WWOX: variants seen among roughly 807,000 people sequenced by gnomAD.
WWOX encodes WW domain containing oxidoreductase, also known as WW domain-containing oxidoreductase.
A neutral mutation model predicts 46.2 loss-of-function variants in WWOX; 69 were observed. That is an observed-to-expected ratio of 1.49 (90% CI 1.23 to 1.82). WWOX has a LOEUF of 1.82. Among genes scored for constraint, WWOX ranks in the 40% most tolerant of loss-of-function variants. WWOX has a pLI of 0.00. For missense variants in WWOX, 919 were observed against 542.6 expected, an observed-to-expected ratio of 1.69 and a Z score of -6.89; for synonymous variants, 359 against 202.6, an observed-to-expected ratio of 1.77 and a Z score of -6.56.
At chr16:78,164,648 A>G (rs182659549) in intron 5 of WWOX, among the ~76,000 whole-genome samples, 43 of 152,330 alleles carry the variant, frequency 2.8e-4, no homozygotes, top group Admixed American at 1.6e-3. Context: ...CTTTAACCCT[A>G]TCTCTAATTT....
At chr16:78,432,412 A>G (rs958824082) in intron 7 of WWOX, 76 bp from the exon 8 acceptor site, 2 of 1,581,130 alleles carry the variant, frequency 1.3e-6, no homozygotes, top group Non-Finnish European at 1.7e-6. Flanking sequence ...AGCATTCCTT[A>G]GATTTCCAAT....
intron 8 of WWOX, among the ~76,000 whole-genome samples, chr16:79,014,629 A>T (rs74032497): frequency 6.6e-6 from 1 of 152,094 alleles, no homozygotes; most frequent in Non-Finnish European, 1.5e-5. Flanking sequence ...AGTGCCTAAG[A>T]CTTTGAATAG....
chr16:78,310,069 C>T (rs1275421219), intron 5 of WWOX, among the ~76,000 whole-genome samples: 2 of 151,882 alleles, frequency 1.3e-5, no homozygotes, highest in African/African-American at 2.4e-5. Flanking sequence ...CCCTCCTTCC[C>T]CCTCTCTTTT....
At chr16:78,317,201 G>A (rs555314656) in intron 5 of WWOX, among the ~76,000 whole-genome samples, 4 of 152,172 alleles carry the variant, frequency 2.6e-5, no homozygotes, top group Non-Finnish European at 4.4e-5. Context: ...AAGGTGAATA[G>A]GAGTTAGGCC....
Position 78,831,675 on chromosome 16 carries a change from A to T in WWOX, c.1057-379933A>T, listed in dbSNP as rs76929667. 4.3e-3 allele frequency among the ~76,000 whole-genome samples: 662 copies of T among 152,306 alleles called. 3 individuals carry two copies. The highest frequency in any genetic ancestry group is 0.015 in the African/African-American group (621 of 41,570). On this transcript the variant is annotated intron_variant, in intron 8 of 8. Coordinates refer to ENST00000566780, the MANE Select transcript of WWOX (RefSeq NM_016373.4). ...AAAGAGTGATCATAATACTATTTCC[A>T]TTGAGAAGAAGAAATAATTTATGTA...
chr16:78,865,006 A>C (rs2043972918), intron 8 of WWOX, among the ~76,000 whole-genome samples: 1 of 150,842 alleles, frequency 6.6e-6, no homozygotes, highest in Non-Finnish European at 1.5e-5. Context: ...CAAGTGATCC[A>C]CCCATCTTGG....
intron 8 of WWOX, among the ~76,000 whole-genome samples, chr16:78,612,626 C>A (rs1041255333): frequency 3.3e-5 from 5 of 152,046 alleles, no homozygotes; most frequent in African/African-American, 1.2e-4. Flanking sequence ...TGTGCACTAC[C>A]ACACCTGGCT....
chr16:78,361,156 T>G (rs1470370217), intron 5 of WWOX, among the ~76,000 whole-genome samples: 2 of 152,072 alleles, frequency 1.3e-5, no homozygotes, highest in African/African-American at 4.8e-5. Flanking sequence ...TGCTTACTTA[T>G]TTCCTTCTTT....
At chr16:78,779,203 G>A (rs781712722) in intron 8 of WWOX, among the ~76,000 whole-genome samples, 3 of 152,192 alleles carry the variant, frequency 2.0e-5, no homozygotes, top group Non-Finnish European at 4.4e-5. Flanking sequence ...GGAGTGCAGT[G>A]GCATGATCTT....
At chr16:78,230,581 C>G (rs953817110) in intron 5 of WWOX, among the ~76,000 whole-genome samples, 1 of 152,236 alleles carries the variant, frequency 6.6e-6, no homozygotes, top group South Asian at 2.1e-4. Context: ...GTTGATAAAA[C>G]TTTCCAAAAA....
intron 5 of WWOX, among the ~76,000 whole-genome samples, chr16:78,350,650 CTGAG>C (rs1475912231): frequency 8.2e-6 from 1 of 121,482 alleles, no homozygotes; most frequent in Non-Finnish European, 2.0e-5. Flanking sequence ...TTTTTTAGGG[CTGAG>C]TAATATTCCA....
chr16:78,824,091 T>C (rs1374277150), intron 8 of WWOX, among the ~76,000 whole-genome samples: 2 of 152,180 alleles, frequency 1.3e-5, no homozygotes, highest in Admixed American at 1.3e-4. Context: ...AGTACTTTAT[T>C]TTATTTTACT....
At chr16:78,917,170 A>G (rs777740734) in intron 8 of WWOX, among the ~76,000 whole-genome samples, 7 of 152,210 alleles carry the variant, frequency 4.6e-5, no homozygotes, top group Non-Finnish European at 1.0e-4. Flanking sequence ...TTTTGTAGCC[A>G]TGGAGATTTG....
chr16:78,650,463 A>C (rs1034091582), intron 8 of WWOX, among the ~76,000 whole-genome samples: 1 of 152,142 alleles, frequency 6.6e-6, no homozygotes. Flanking sequence ...GTCCACCATG[A>C]CATCAGCCTG....
intron 8 of WWOX, among the ~76,000 whole-genome samples, chr16:78,778,421 G>C (rs1056745778): frequency 1.3e-5 from 2 of 152,114 alleles, no homozygotes; most frequent in African/African-American, 4.8e-5. Flanking sequence ...TTGACATAAT[G>C]TCGGACCTCA....
chr16:79,123,684 C>G (rs1206235990), intron 8 of WWOX, among the ~76,000 whole-genome samples: 2 of 152,152 alleles, frequency 1.3e-5, no homozygotes, highest in East Asian at 3.9e-4. Flanking sequence ...CAATTGCAAT[C>G]TGGACCCTTT....
chr16:78,759,444 A>C (rs1207768160), intron 8 of WWOX, among the ~76,000 whole-genome samples: 1 of 152,140 alleles, frequency 6.6e-6, no homozygotes, highest in African/African-American at 2.4e-5. Context: ...TGTTGAGTTA[A>C]AATAAGCCAG....
At chr16:78,545,726 C>G (rs772142902) in intron 8 of WWOX, among the ~76,000 whole-genome samples, 16 of 152,184 alleles carry the variant, frequency 1.1e-4, no homozygotes, top group African/African-American at 3.9e-4. Flanking sequence ...CTTACTGTCT[C>G]ACAGTTCTGG....
At chr16:78,544,930 C>T (rs999395347) in intron 8 of WWOX, among the ~76,000 whole-genome samples, 4 of 151,716 alleles carry the variant, frequency 2.6e-5, no homozygotes. Flanking sequence ...TAATCCTAGC[C>T]CTTTGGGAGG....
Sources: allele counts gnomAD v4.1 joint callset (sites outside exome capture counted in the v4.1 genomes callset), GRCh38; gene constraint gnomAD v4.1.1; transcripts MANE v1.5; gene names NCBI Gene and HGNC (gene_info 2026-07-23, HGNC 2026-07-21).